TBC1D1: variants seen among roughly 807,000 people sequenced by gnomAD.
TBC1D1 encodes TBC1 domain family member 1, also known as TBC1 (tre-2/USP6, BUB2, cdc16) domain family, member 1.
A neutral mutation model predicts 125.6 loss-of-function variants in TBC1D1; 89 were observed. The ratio of observed to expected loss-of-function variants is 0.71; its 90% CI spans 0.60 to 0.85. The LOEUF is 0.85. Ranked by LOEUF, TBC1D1 falls within the 40% of genes least tolerant of loss-of-function variation. The pLI is 0.00. For synonymous variants in TBC1D1, 565 were observed against 564.1 expected (o/e 1.00, Z -0.02); for missense variants, 1,377 against 1,469.2 (o/e 0.94, Z 1.03).
At chr4:37,921,554 G>A (rs1180369232) in intron 2 of TBC1D1, among the ~76,000 whole-genome samples, 3 of 151,042 alleles carry the variant, frequency 2.0e-5, no homozygotes, top group South Asian at 2.1e-4. Flanking sequence ...TTGCAGACAC[G>A]CGCCACCATG....
intron 2 of TBC1D1, among the ~76,000 whole-genome samples, chr4:38,010,191 C>T (rs1413652111): frequency 6.6e-5 from 10 of 152,054 alleles, no homozygotes; most frequent in Admixed American, 5.9e-4. Flanking sequence ...TATTGTCTTC[C>T]GCCTTATTTA....
chr4:38,035,065 AT>A (rs916433373), intron 7 of TBC1D1, among the ~76,000 whole-genome samples: 38 of 151,134 alleles, frequency 2.5e-4, no homozygotes, highest in South Asian at 8.4e-4. Flanking sequence ...CATAGAGAGA[AT>A]TTTTTTTTTA....
chr4:38,029,028 G>C (rs1179603971), intron 7 of TBC1D1, among the ~76,000 whole-genome samples: 1 of 152,162 alleles, frequency 6.6e-6, no homozygotes, highest in Non-Finnish European at 1.5e-5. Context: ...TAGATGCAGT[G>C]TATCTCGGGG....
intron 2 of TBC1D1, among the ~76,000 whole-genome samples, chr4:37,956,563 C>T (rs756667049): frequency 1.3e-5 from 2 of 152,150 alleles, no homozygotes; most frequent in Non-Finnish European, 2.9e-5. Flanking sequence ...GACCAAATGG[C>T]TTTTCCCTGT....
intron 2 of TBC1D1, among the ~76,000 whole-genome samples, chr4:38,012,856 C>A (rs1012381918): frequency 6.6e-6 from 1 of 152,092 alleles, no homozygotes; most frequent in Non-Finnish European, 1.5e-5. Flanking sequence ...TGCAGTGGCA[C>A]AATCTCGGCT....
chr4:38,015,016 C>A, intron 3 of TBC1D1, 43 bp downstream of exon 3: 2 of 1,475,054 alleles, frequency 1.4e-6, no homozygotes, highest in Non-Finnish European at 1.8e-6. Flanking sequence ...GTCTGCCATA[C>A]GCTTTCAAGA....
At chr4:38,112,388 G>A (rs767466748) in intron 15 of TBC1D1, among the ~76,000 whole-genome samples, 2 of 152,156 alleles carry the variant, frequency 1.3e-5, no homozygotes, top group African/African-American at 2.4e-5. Context: ...GCTACAGAAC[G>A]GTCATAAGTG....
At chr4:37,942,712 T>C (rs1725829884) in intron 2 of TBC1D1, among the ~76,000 whole-genome samples, 1 of 152,072 alleles carries the variant, frequency 6.6e-6, no homozygotes, top group African/African-American at 2.4e-5. Flanking sequence ...CTAATTTTTT[T>C]TGTATTTTTA....
intron 14 of TBC1D1, among the ~76,000 whole-genome samples, chr4:38,102,007 A>G (rs1039410298): frequency 4.7e-5 from 7 of 148,574 alleles, no homozygotes; most frequent in South Asian, 2.1e-4. Context: ...AAAACCAAAC[A>G]TCGCATGTTC....
intron 15 of TBC1D1, among the ~76,000 whole-genome samples, chr4:38,104,869 C>T (rs1232676073): frequency 6.6e-6 from 1 of 151,978 alleles, no homozygotes; most frequent in Non-Finnish European, 1.5e-5. Flanking sequence ...CATTCTCCTG[C>T]CTCAGTCTCC....
chr4:37,971,136 C>A (rs764799856), intron 2 of TBC1D1, among the ~76,000 whole-genome samples: 1 of 152,158 alleles, frequency 6.6e-6, no homozygotes, highest in Non-Finnish European at 1.5e-5. Context: ...GACCGGCCCC[C>A]CTGCCTTTCA....
rs946556161 is a variant in TBC1D1, at chr4:38,019,758, C to T, written c.973-833C>T. On this transcript the variant is annotated intron_variant, in intron 4 of 19. Coordinates refer to ENST00000261439, the MANE Select transcript of TBC1D1 (RefSeq NM_015173.4). ...ACATATTAATATTTATTAAAAATAG[C>T]TCTTATGATACCATGGTAGAGCCTT... 3.3e-5 allele frequency among the ~76,000 whole-genome samples: 5 copies of T among 152,112 alleles called. 1 individual carries two copies. Among genetic ancestry groups the T allele is most frequent in the Admixed American group, 3.3e-4 (5 of 15,274 alleles).
intron 10 of TBC1D1, among the ~76,000 whole-genome samples, chr4:38,046,939 G>T (rs1749603799): frequency 6.6e-6 from 1 of 152,246 alleles, no homozygotes; most frequent in African/African-American, 2.4e-5. Flanking sequence ...CACAGGCAGG[G>T]TTTACAGTCC....
chr4:38,098,582 A>G (rs1759770951), intron 14 of TBC1D1, among the ~76,000 whole-genome samples: 1 of 152,218 alleles, frequency 6.6e-6, no homozygotes, highest in South Asian at 2.1e-4. Context: ...GTGTTGCCTG[A>G]CTTTGCCACA....
chr4:38,120,314 T>C (rs1255711036), intron 17 of TBC1D1, among the ~76,000 whole-genome samples: 1 of 152,212 alleles, frequency 6.6e-6, no homozygotes, highest in African/African-American at 2.4e-5. Flanking sequence ...GTGATGTCAC[T>C]TTGCAAGAAC....
chr4:38,129,963 G>A (rs1306222468), intron 18 of TBC1D1, among the ~76,000 whole-genome samples: 1 of 152,204 alleles, frequency 6.6e-6, no homozygotes, highest in Non-Finnish European at 1.5e-5. Flanking sequence ...CATATCCCAA[G>A]CCAGTAAAAT....
At chr4:37,999,917 C>T (rs922193727) in intron 2 of TBC1D1, among the ~76,000 whole-genome samples, 1 of 152,150 alleles carries the variant, frequency 6.6e-6, no homozygotes, top group African/African-American at 2.4e-5. Context: ...CAATAAATCA[C>T]ATCAGACTAA....
chr4:38,138,455 A>T lies in TBC1D1; in HGVS notation c.*1120A>T, dbSNP rs975370308. 1.3e-5 allele frequency: 2 copies of T among 149,902 alleles called. No homozygotes were observed. Among genetic ancestry groups the T allele is most frequent in the African/African-American group, 5.1e-5 (2 of 38,962 alleles). The allele number at this position is 149,902 out of a possible 1,614,324, so 9.3% of individuals were successfully genotyped here. A position where few individuals can be genotyped will look rare whatever the true frequency, so the allele number is the denominator to read the frequency against. ...TTCAGGGGTGCCCCAAGAGTCTGGG[A>T]CTTTCAAAAAAAAAAGATCAGGCTG... On this transcript the variant is annotated 3_prime_UTR_variant, in exon 20 of 20. Coordinates refer to ENST00000261439, the MANE Select transcript of TBC1D1 (RefSeq NM_015173.4).
At chr4:38,004,887 A>G (rs1207956770) in intron 2 of TBC1D1, among the ~76,000 whole-genome samples, 1 of 152,222 alleles carries the variant, frequency 6.6e-6, no homozygotes, top group East Asian at 1.9e-4. Flanking sequence ...AAAAACGGTA[A>G]AACATGAATA....
Sources: gnomAD v4.1 joint callset for allele counts (sites outside exome capture counted in the v4.1 genomes callset) on GRCh38, gnomAD v4.1.1 for gene constraint, MANE v1.5 for transcripts, NCBI Gene and HGNC (gene_info 2026-07-23, HGNC 2026-07-21) for gene names.